Variants in NKD1 observed in about 807,000 individuals in gnomAD.
NKD1 encodes the protein protein naked cuticle homolog 1.
NKD1 carries 21 observed loss-of-function variants against 56.0 expected under a neutral mutation model. The ratio of observed to expected loss-of-function variants is 0.38; its 90% CI spans 0.27 to 0.54. The LOEUF (loss-of-function observed/expected upper bound fraction) is 0.54, where lower values mean the gene tolerates loss of function less well. NKD1 is among the 20% of genes least tolerant of loss of function. The pLI, the probability that NKD1 is intolerant of heterozygous loss-of-function variation, is 0.82. For synonymous variants in NKD1, 263 were observed against 265.7 expected (o/e 0.99, Z 0.10); for missense variants, 578 against 642.7 (o/e 0.90, Z 1.09).
chr16:50,571,300 A>G (rs1960877621), intron 3 of NKD1, among the ~76,000 whole-genome samples: 1 of 152,090 alleles, frequency 6.6e-6, no homozygotes, highest in Non-Finnish European at 1.5e-5. Flanking sequence ...CTGTGGGGAG[A>G]TGTGATCCGG....
chr16:50,583,396 C>T (rs1015367709), intron 3 of NKD1, among the ~76,000 whole-genome samples: 1 of 152,080 alleles, frequency 6.6e-6, no homozygotes, highest in Non-Finnish European at 1.5e-5. Context: ...AATTAGTGTC[C>T]CAGCTGAGCC....
chr16:50,581,495 T>C (rs747517234), intron 3 of NKD1, among the ~76,000 whole-genome samples: 2 of 152,268 alleles, frequency 1.3e-5, no homozygotes, highest in Admixed American at 6.5e-5. Context: ...GCATGTCTAT[T>C]GCATTCCTGC....
At chr16:50,549,630 C>A in intron 3 of NKD1, 75 bp downstream of exon 3, 1 of 1,387,550 alleles carries the variant, frequency 7.2e-7, no homozygotes, top group Non-Finnish European at 9.6e-7. Flanking sequence ...CCCATGCACC[C>A]CAACTTTGAG....
In NKD1 at chr16:50,632,298, G is replaced by A. The variant is rs142743935; in HGVS notation, c.713G>A (p.Arg238His). Reference protein sequence around the residue: ...RAPLRFQGDSRLEQSGCYHHC... With the variant: ...RAPLRFQGDSHLEQSGCYHHC... ...TGCCGTAGGTTCCAGGGTGACAGCC[G>A]CCTGGAGCAGTCTGGCTGCTACCAC... The change falls in exon 9 of 10, where the codon CGC becomes CAC. Residue 238 changes from arginine to histidine, a missense_variant. Arg to His is a conservative substitution (Grantham distance 29). Transcript: ENST00000268459. The surrounding 1 kb of genome is among the most constrained non-coding windows in gnomAD (Gnocchi z 4.1). The A allele has an allele frequency of 2.4e-5, 38 of 1,613,952 alleles. No homozygotes were observed. The African/African-American group carries it at 2.4e-4, about 10-fold the overall frequency.
At chr16:50,548,911 C>T (rs1384354454) in intron 2 of NKD1, 162 bp downstream of exon 2, 1 of 878,138 alleles carries the variant, frequency 1.1e-6, no homozygotes, top group Non-Finnish European at 1.4e-6. Context: ...TTCGCGCCCC[C>T]TCCTCTGTCC....
At chr16:50,625,659 A>T in intron 6 of NKD1, 79 bp downstream of exon 6, 1 of 878,188 alleles carries the variant, frequency 1.1e-6, no homozygotes. Flanking sequence ...TGCCACTGCC[A>T]CTTCTCTCCC....
intron 4 of NKD1, among the ~76,000 whole-genome samples, chr16:50,608,626 G>A (rs1483751421): frequency 1.3e-5 from 2 of 152,184 alleles, no homozygotes; most frequent in African/African-American, 4.8e-5. Flanking sequence ...GGGGGATCTC[G>A]GACAGGTTGT....
chr16:50,607,059 C>T lies in NKD1; in HGVS notation c.193-1235C>T, dbSNP rs531120229. 509 of 457,102 alleles carry T rather than the reference C, an allele frequency of 1.1e-3. 1 individual carries two copies. Among genetic ancestry groups the T allele is most frequent in the Non-Finnish European group, 1.8e-3 (416 of 226,978 alleles). 28.3% of individuals were successfully genotyped at this position (457,102 alleles called of 1,614,324 possible). ...AGGAGGAGAGGAAGCCATCCTGACTCGAGGAATAAAGTAGCCTGGTTTTGA... is the reference window on the plus strand; with the variant it reads ...AGGAGGAGAGGAAGCCATCCTGACTTGAGGAATAAAGTAGCCTGGTTTTGA... On this transcript the variant is annotated intron_variant, in intron 3 of 9. Transcript: ENST00000268459.
chr16:50,588,598 C>CTTTTTTTTTTTT (rs574622414), intron 3 of NKD1, among the ~76,000 whole-genome samples: 15 of 94,678 alleles, frequency 1.6e-4, no homozygotes, highest in Non-Finnish European at 2.7e-4. Context: ...TTTTCTTCTG[C>CTTTTTTTTTTTT]TTTTTTTTTT....
At chr16:50,592,802 G>C (rs907383972) in intron 3 of NKD1, among the ~76,000 whole-genome samples, 2 of 152,096 alleles carry the variant, frequency 1.3e-5, no homozygotes, top group Non-Finnish European at 2.9e-5. Flanking sequence ...GGAATTGAAG[G>C]CATGGGCTGT....
intron 3 of NKD1, among the ~76,000 whole-genome samples, chr16:50,589,227 C>T (rs1485685799): frequency 6.6e-6 from 1 of 152,146 alleles, no homozygotes; most frequent in East Asian, 1.9e-4. Flanking sequence ...GACTAAGTTC[C>T]CCTTTTTAAT....
intron 3 of NKD1, among the ~76,000 whole-genome samples, chr16:50,597,541 C>G (rs1961500065): frequency 6.6e-6 from 1 of 152,176 alleles, no homozygotes; most frequent in South Asian, 2.1e-4. Flanking sequence ...CTGAAGGAGA[C>G]AGCGCCCCAG....
At position 50,623,985 on chromosome 16, in the gene NKD1, C is replaced by T. The variant is rs1047017553; in HGVS notation, c.367-1500C>T. 4.6e-5 allele frequency among the ~76,000 whole-genome samples: 7 copies of T among 152,046 alleles called. No homozygotes were observed. The East Asian group carries it at 5.8e-4, about 13-fold the overall frequency. On this transcript the variant is annotated intron_variant, in intron 5 of 9. Transcript: ENST00000268459. This position sits in a 1 kb window ranked among gnomAD's most constrained non-coding sequence, Gnocchi z 4.1. Reference sequence around the variant, plus strand: ...GAAGCAAGGTTGGCTTTGAACTCAGCGTGGGCGCCCGAGAATTGCTGGAGG... The same window carrying T: ...GAAGCAAGGTTGGCTTTGAACTCAGTGTGGGCGCCCGAGAATTGCTGGAGG...
At chr16:50,554,564 G>A (rs1164655588) in intron 3 of NKD1, among the ~76,000 whole-genome samples, 2 of 152,104 alleles carry the variant, frequency 1.3e-5, no homozygotes, top group Non-Finnish European at 2.9e-5. Context: ...GTGGAAGGGT[G>A]GAACCAGGCT....
chr16:50,558,932 A>G (rs1448879101), intron 3 of NKD1, among the ~76,000 whole-genome samples: 1 of 151,112 alleles, frequency 6.6e-6, no homozygotes, highest in African/African-American at 2.4e-5. Context: ...AAACAAACAA[A>G]CAACAAAACA....
At chr16:50,590,990 AT>A (rs796383252) in intron 3 of NKD1, among the ~76,000 whole-genome samples, 83 of 145,534 alleles carry the variant, frequency 5.7e-4, no homozygotes, top group African/African-American at 1.7e-3. Context: ...ATGCCCAGCT[AT>A]TTTTTTTTTT....
intron 3 of NKD1, chr16:50,562,187 C>T (rs891544243): frequency 5.9e-6 from 2 of 341,866 alleles, no homozygotes; most frequent in South Asian, 1.2e-4. Context: ...GTAAGGGCCT[C>T]TCTTGCTGAC....
chr16:50,562,216 C>T (rs372216014), intron 3 of NKD1: 30 of 638,364 alleles, frequency 4.7e-5, no homozygotes, highest in South Asian at 7.0e-5. Context: ...GACCCTGAGA[C>T]GCTGCTGAAT....
At chr16:50,553,330 T>G (rs1960431457) in intron 3 of NKD1, among the ~76,000 whole-genome samples, 1 of 152,252 alleles carries the variant, frequency 6.6e-6, no homozygotes, top group Non-Finnish European at 1.5e-5. Flanking sequence ...ATGGCCCCGG[T>G]TGGCCCTTTT....
Sources: gnomAD v4.1 joint callset for allele counts (sites outside exome capture counted in the v4.1 genomes callset) on GRCh38, gnomAD v4.1.1 for gene constraint, Gnocchi (gnomAD v3.1) non-coding constraint, MANE v1.5 for transcripts, NCBI Gene and HGNC (gene_info 2026-07-23, HGNC 2026-07-21) for gene names.